ZNF99: variants seen among roughly 807,000 people sequenced by gnomAD.
ZNF99 encodes zinc finger protein 99.
In ZNF99, 8 loss-of-function variants were observed where a neutral mutation model predicts 12.8. That is an observed-to-expected ratio of 0.62 (90% CI 0.37 to 1.13). The LOEUF (loss-of-function observed/expected upper bound fraction) is 1.13. Ranked by LOEUF, ZNF99 falls within the 50% of genes most tolerant of loss-of-function variation. The probability of loss-of-function intolerance (pLI) is 0.02; values close to 1 mark genes in which losing one functional copy is unlikely to be tolerated. For synonymous variants in ZNF99, 318 were observed against 319.0 expected (o/e 1.00, Z 0.03); for missense variants, 1,007 against 1,006.2 (o/e 1.00, Z -0.01).
At chr19:22,782,962 C>G (rs1028006533) in intron 1 of ZNF99, among the ~76,000 whole-genome samples, 8 of 152,102 alleles carry the variant, frequency 5.3e-5, no homozygotes, top group African/African-American at 1.7e-4. Flanking sequence ...GCCACCGAGC[C>G]AGGCCTGATA....
rs71180598 is a variant in ZNF99, at chr19:22,782,661, C to CTTTTT, written c.3+1348_3+1352dup. Among the ~76,000 whole-genome samples the CTTTTT allele has an allele frequency of 9.8e-3, 852 of 86,626 alleles. 42 individuals are homozygous for CTTTTT. Among genetic ancestry groups the CTTTTT allele is most frequent in the African/African-American group, 0.026 (582 of 22,478 alleles). The allele number at this position is 86,626 out of a possible 152,430, so 56.8% of individuals were successfully genotyped here. A position where few individuals can be genotyped will look rare whatever the true frequency, so the allele number is the denominator to read the frequency against. ...ACAGGCATGAACCACCGCACCTGGC[C>CTTTTT]TTTTTTTTTTTTTTTTTTTTTTTAA... On this transcript the variant is annotated intron_variant, in intron 1 of 3. Coordinates refer to ENST00000596209, the MANE Select transcript of ZNF99 (RefSeq NM_001080409.3).
rs896935982 is a variant in ZNF99 at position 22,752,285 on chromosome 19, G to A, written c.*5029C>T. 9 of 151,938 alleles carry A rather than the reference G, an allele frequency of 5.9e-5. No individual in the cohort carries two copies. The highest frequency in any genetic ancestry group is 1.3e-4 in the Non-Finnish European group (9 of 67,980). The allele number at this position is 151,938 out of a possible 1,614,324, so 9.4% of individuals were successfully genotyped here. On this transcript the variant is annotated 3_prime_UTR_variant, in exon 4 of 4. Coordinates refer to ENST00000596209, the MANE Select transcript of ZNF99 (RefSeq NM_001080409.3). ...ACAATTTAGTTTTATATTTCAAAGT[G>A]ACTAAAAGTGTAGATTTGGATTGCT...
At position 22,754,290 on chromosome 19, in the gene ZNF99, C is replaced by T; in HGVS notation, c.*3024G>A. On this transcript the variant is annotated 3_prime_UTR_variant, in exon 4 of 4. Coordinates refer to ENST00000596209, the MANE Select transcript of ZNF99 (RefSeq NM_001080409.3). ...GTTGAGGCCAGAGAATCGCTTGAAC[C>T]CAGGAGGCGGAGGTTGCAATGAACT... is the stretch of plus-strand genomic sequence containing the variant. The T allele has an allele frequency of 2.3e-6, 1 of 432,196 alleles. No homozygotes were observed. Among genetic ancestry groups the T allele is most frequent in the Non-Finnish European group, 4.7e-6 (1 of 214,840 alleles). 26.8% of individuals were successfully genotyped at this position (432,196 alleles called of 1,614,324 possible).
intron 1 of ZNF99, among the ~76,000 whole-genome samples, chr19:22,781,398 G>T: frequency 7.4e-6 from 1 of 134,378 alleles, no homozygotes; most frequent in Non-Finnish European, 1.6e-5. Flanking sequence ...ATCTCATTGG[G>T]GTCACTTTTT....
At chr19:22,767,286 C>A (rs1261968046) in intron 3 of ZNF99, among the ~76,000 whole-genome samples, 3 of 151,952 alleles carry the variant, frequency 2.0e-5, no homozygotes, top group Non-Finnish European at 4.4e-5. Context: ...GACCCTATTT[C>A]ATTAATTAAT....
At position 22,758,218 on chromosome 19, in the gene ZNF99, G is replaced by A. The variant is rs373754589; in HGVS notation, c.1691C>T (p.Pro564Leu). ...KHKIIHTGKK[P>L]YKCEECGKAF... ...TTTGCCACATTCTTCACATTTGTAT[G>A]GTTTCTTCCCAGTATGAATTATCTT... Residue 564 changes from proline to leucine, a missense_variant, in exon 4 of 4, where the codon CCA becomes CTA. Physicochemically the swap from Pro to Leu is moderately conservative, Grantham distance 98. Transcript: ENST00000596209. 1.4e-4 allele frequency: 227 copies of A among 1,613,472 alleles called. No homozygotes were observed. Among genetic ancestry groups the A allele is most frequent in the Non-Finnish European group, 1.8e-4 (216 of 1,179,806 alleles).
intron 1 of ZNF99, among the ~76,000 whole-genome samples, chr19:22,777,641 G>A (rs1431691885): frequency 1.3e-5 from 2 of 152,116 alleles, no homozygotes; most frequent in Admixed American, 6.6e-5. Flanking sequence ...ATTAATTTTT[G>A]GGTTCATGCT....
intron 3 of ZNF99, among the ~76,000 whole-genome samples, chr19:22,763,903 C>CTTTTTTTTTTTTTTTTTTT (rs1349512561): frequency 3.2e-5 from 4 of 126,234 alleles, no homozygotes; most frequent in South Asian, 2.4e-4. Context: ...TTTTTTCTTT[C>CTTTTTTTTTTTTTTTTTTT]CTTTTTTTTT....
Position 22,758,898 on chromosome 19 carries a change from T to A in ZNF99, c.1011A>T (p.Gly337=). The stretch of plus-strand genomic sequence containing the variant: ...ATTCTTCACATTTGTAGGGTTTCTT[T>A]CCAGTATGAATTATCTGATGTTTTC... The part of the protein sequence containing the change: ...ALRKHQIIHT[G]KKPYKCEECG... Residue 337 remains glycine (G), a synonymous_variant, in exon 4 of 4, where the codon GGA becomes GGT. Transcript: ENST00000596209. The A allele has an allele frequency of 5.0e-6, 8 of 1,613,774 alleles. No homozygotes were observed. The highest frequency in any genetic ancestry group is 1.7e-4 in the Middle Eastern group (1 of 6,060).
At chr19:22,764,604 T>C (rs1031814794) in intron 3 of ZNF99, among the ~76,000 whole-genome samples, 3 of 151,596 alleles carry the variant, frequency 2.0e-5, no homozygotes, top group Non-Finnish European at 4.4e-5. Context: ...AGAAGTAATA[T>C]CTTGAATCTA....
intron 1 of ZNF99, among the ~76,000 whole-genome samples, chr19:22,771,708 G>A (rs1249325729): frequency 7.5e-6 from 1 of 132,516 alleles, no homozygotes; most frequent in Non-Finnish European, 1.6e-5. Context: ...ACAACCACAG[G>A]TGAAACTTTT....
rs62119151 is a variant in ZNF99 at position 22,757,174 on chromosome 19, C to T, written c.*140G>A. 1.4e-5 allele frequency: 23 copies of T among 1,610,726 alleles called. No individual in the cohort carries two copies. The highest frequency in any genetic ancestry group is 1.7e-4 in the Middle Eastern group (1 of 6,046). The stretch of plus-strand genomic sequence containing the variant: ...CTTTATGTCTAGTAAGGTGTGAGGA[C>T]TGCTTAAAAGCTTTGCCACATTCTT... On this transcript the variant is annotated 3_prime_UTR_variant, in exon 4 of 4. Coordinates refer to ENST00000596209, the MANE Select transcript of ZNF99 (RefSeq NM_001080409.3).
At chr19:22,763,926 T>TA (rs1973177250) in intron 3 of ZNF99, among the ~76,000 whole-genome samples, 1 of 137,592 alleles carries the variant, frequency 7.3e-6, no homozygotes, top group Non-Finnish European at 1.5e-5. Context: ...TTTTTTTTTT[T>TA]GAGATGGAGT....
rs1568383862 is a variant in ZNF99 at position 22,759,396 on chromosome 19, T to C, written c.513A>G (p.Lys171=). ...NRYKIRHTKK[K]TFKCMKCSKS... ...TGCTACATTTCATACATTTGAAAGT[T>C]TTCTTTTTAGTGTGTCTAATCTTAT... is the stretch of plus-strand genomic sequence containing the variant. The change falls in exon 4 of 4, where the codon AAA becomes AAG. Residue 171 remains lysine, a synonymous_variant. Transcript: ENST00000596209. 6.4e-7 allele frequency: 1 copy of C among 1,565,968 alleles called. No homozygotes were observed. Among genetic ancestry groups the C allele is most frequent in the Admixed American group, 1.9e-5 (1 of 52,382 alleles).
rs1026258854 is a variant in ZNF99 at position 22,754,281 on chromosome 19, C to T, written c.*3033G>A. 3.0e-5 allele frequency: 13 copies of T among 430,770 alleles called. No individual in the cohort carries two copies. The highest frequency in any genetic ancestry group is 2.2e-4 in the East Asian group (3 of 13,926). 26.7% of individuals were successfully genotyped at this position (430,770 alleles called of 1,614,324 possible). A position where few individuals can be genotyped will look rare whatever the true frequency, so the allele number is the denominator to read the frequency against. ...GCTTGGGAGGTTGAGGCCAGAGAAT[C>T]GCTTGAACCCAGGAGGCGGAGGTTG... On this transcript the variant is annotated 3_prime_UTR_variant, in exon 4 of 4. Transcript: ENST00000596209.
intron 1 of ZNF99, among the ~76,000 whole-genome samples, chr19:22,778,921 C>T (rs544962590): frequency 4.0e-5 from 6 of 151,554 alleles, no homozygotes; most frequent in East Asian, 2.0e-4. Context: ...GCAGGAGAAT[C>T]GCTCCAACCC....
At chr19:22,777,345 T>C (rs1973341117) in intron 1 of ZNF99, among the ~76,000 whole-genome samples, 1 of 151,914 alleles carries the variant, frequency 6.6e-6, no homozygotes, top group South Asian at 2.1e-4. Context: ...AGCTAAATAA[T>C]GAGAACACAA....
intron 1 of ZNF99, among the ~76,000 whole-genome samples, chr19:22,782,741 A>C (rs1278788507): frequency 8.0e-6 from 1 of 125,192 alleles, no homozygotes; most frequent in Admixed American, 8.8e-5. Context: ...GCGCAATCTC[A>C]GCTCACAGCA....
chr19:22,778,904 G>A (rs1196621158), intron 1 of ZNF99, among the ~76,000 whole-genome samples: 1 of 152,048 alleles, frequency 6.6e-6, no homozygotes, highest in African/African-American at 2.4e-5. Flanking sequence ...CTACTCAGGA[G>A]GCTGAGGCAG....
Sources: gnomAD v4.1 joint callset for allele counts (sites outside exome capture counted in the v4.1 genomes callset) on GRCh38, gnomAD v4.1.1 for gene constraint, MANE v1.5 for transcripts, NCBI Gene and HGNC (gene_info 2026-07-23, HGNC 2026-07-21) for gene names.